Variants in CTNND2 observed in about 807,000 individuals in gnomAD.
The protein encoded by CTNND2 is catenin delta-2.
CTNND2 carries 22 observed loss-of-function variants against 144.4 expected under a neutral mutation model. That is an observed-to-expected ratio of 0.15 (90% CI 0.11 to 0.22). The LOEUF is 0.22. CTNND2 is among the 10% of genes least tolerant of loss of function. The pLI is 1.00. For synonymous variants in CTNND2, 751 were observed against 695.6 expected, an observed-to-expected ratio of 1.08 and a Z score of -1.25; for missense variants, 1,353 against 1,618.8, an observed-to-expected ratio of 0.84 and a Z score of 2.82.
At chr5:11,597,661 C>A (rs900055515) in intron 2 of CTNND2, among the ~76,000 whole-genome samples, 1 of 151,960 alleles carries the variant, frequency 6.6e-6, no homozygotes, top group Non-Finnish European at 1.5e-5. Flanking sequence ...GCAGCCTTAA[C>A]CTCTCAGACT....
chr5:11,384,596 C>T lies in CTNND2; in HGVS notation c.1177+69G>A. The T allele has an allele frequency of 1.4e-6, 2 of 1,459,356 alleles. No individual in the cohort carries two copies. The highest frequency in any genetic ancestry group is 1.8e-6 in the Non-Finnish European group (2 of 1,089,334). The allele number at this position is 1,459,356 out of a possible 1,614,324, so 90.4% of individuals were successfully genotyped here. ...GCGCCCGGCTTCGCTTCTGCTCAAG[C>T]CGGGCTGCTGCTTCCGCGTCCCCGC... On this transcript the variant is annotated intron_variant, in intron 7 of 21. Coordinates refer to ENST00000304623, the MANE Select transcript of CTNND2 (RefSeq NM_001332.4). This position sits in a 1 kb window ranked among gnomAD's most constrained non-coding sequence, Gnocchi z 5.2.
At chr5:11,159,865 T>C in intron 11 of CTNND2, 106 bp from the exon 12 acceptor site, 3 of 859,826 alleles carry the variant, frequency 3.5e-6, no homozygotes, top group Non-Finnish European at 5.4e-6. Context: ...AGGATGAAAA[T>C]ACTGTGGACA....
chr5:11,064,311 T>C (rs993099701), intron 16 of CTNND2, among the ~76,000 whole-genome samples: 2 of 152,068 alleles, frequency 1.3e-5, no homozygotes, highest in African/African-American at 4.8e-5. Context: ...GCCTTGGAAT[T>C]TAGAAAGAAA....
chr5:11,813,541 T>A (rs1030447347), intron 1 of CTNND2, among the ~76,000 whole-genome samples: 7 of 152,250 alleles, frequency 4.6e-5, no homozygotes, highest in South Asian at 2.1e-4. Context: ...TTGTACAAGC[T>A]GAAATGCATA....
chr5:11,251,368 A>G (rs1255240662), intron 9 of CTNND2, among the ~76,000 whole-genome samples: 2 of 152,198 alleles, frequency 1.3e-5, no homozygotes, highest in Admixed American at 6.5e-5. Context: ...GAAGCAGACA[A>G]TGCCATCTTC....
At chr5:11,358,150 G>C (rs545302544) in intron 8 of CTNND2, among the ~76,000 whole-genome samples, 25 of 152,232 alleles carry the variant, frequency 1.6e-4, no homozygotes, top group African/African-American at 5.5e-4. Flanking sequence ...TCCAGGTCAA[G>C]GCCAGCTGTG....
intron 1 of CTNND2, among the ~76,000 whole-genome samples, chr5:11,893,220 C>G (rs908717824): frequency 6.6e-6 from 1 of 152,084 alleles, no homozygotes; most frequent in African/African-American, 2.4e-5. Context: ...AGAATCGGCA[C>G]ATGGAGAAAG....
intron 2 of CTNND2, among the ~76,000 whole-genome samples, chr5:11,701,311 C>T (rs1044394257): frequency 4.6e-5 from 7 of 152,188 alleles, no homozygotes; most frequent in African/African-American, 1.7e-4. Flanking sequence ...CATCGGATGT[C>T]ACAGATAATG....
intron 2 of CTNND2, among the ~76,000 whole-genome samples, chr5:11,729,730 T>C (rs1486203381): frequency 1.3e-5 from 2 of 152,200 alleles, no homozygotes; most frequent in African/African-American, 4.8e-5. Context: ...TATTGAACAT[T>C]TTAAATGTCA....
At chr5:11,599,099 T>C (rs1779658645) in intron 2 of CTNND2, among the ~76,000 whole-genome samples, 1 of 152,144 alleles carries the variant, frequency 6.6e-6, no homozygotes, top group Admixed American at 6.5e-5. Context: ...ACCAGGGAGA[T>C]GGTGCTAAGG....
At chr5:11,012,769 C>A (rs1741223494) in intron 18 of CTNND2, among the ~76,000 whole-genome samples, 1 of 152,202 alleles carries the variant, frequency 6.6e-6, no homozygotes, top group Admixed American at 6.5e-5. Flanking sequence ...AATGTGATCT[C>A]CAGTTTTATG....
At chr5:11,082,612 A>G in intron 16 of CTNND2, 84 bp downstream of exon 16, 1 of 1,487,534 alleles carries the variant, frequency 6.7e-7, no homozygotes. Context: ...AGCATAGGCT[A>G]TGCATACGGG....
At chr5:11,247,065 C>T (rs1008417511) in intron 9 of CTNND2, among the ~76,000 whole-genome samples, 5 of 152,122 alleles carry the variant, frequency 3.3e-5, no homozygotes, top group Non-Finnish European at 5.9e-5. Flanking sequence ...TGGATGTGTG[C>T]ATCTATTGAC....
intron 3 of CTNND2, among the ~76,000 whole-genome samples, chr5:11,458,677 G>T (rs570627657): frequency 1.3e-5 from 2 of 152,222 alleles, no homozygotes; most frequent in Non-Finnish European, 2.9e-5. Flanking sequence ...TGGTCCTTCA[G>T]TTCTACTTCC....
At chr5:11,868,294 T>C (rs1795871283) in intron 1 of CTNND2, among the ~76,000 whole-genome samples, 1 of 152,110 alleles carries the variant, frequency 6.6e-6, no homozygotes, top group Non-Finnish European at 1.5e-5. Flanking sequence ...GGGGTGTGAA[T>C]TCCACCATAG....
chr5:11,802,382 A>G (rs1561810037), intron 1 of CTNND2, among the ~76,000 whole-genome samples: 1 of 152,076 alleles, frequency 6.6e-6, no homozygotes, highest in Non-Finnish European at 1.5e-5. Flanking sequence ...AGCCTGACCA[A>G]CAGGGAGAAA....
chr5:11,076,035 G>A (rs1160073782), intron 16 of CTNND2, among the ~76,000 whole-genome samples: 1 of 152,224 alleles, frequency 6.6e-6, no homozygotes, highest in Non-Finnish European at 1.5e-5. Context: ...ATAGCAAAGT[G>A]CTAGACACTG....
At position 11,180,485 on chromosome 5, in the gene CTNND2, G is replaced by A. The variant is rs146854622; in HGVS notation, c.1975+18963C>T. Among the ~76,000 whole-genome samples, 726 of 152,212 alleles carry A rather than the reference G, an allele frequency of 4.8e-3. 7 individuals carry two copies. Among genetic ancestry groups the A allele is most frequent in the African/African-American group, 0.016 (684 of 41,522 alleles). On this transcript the variant is annotated intron_variant, in intron 11 of 21. Transcript: ENST00000304623. The stretch of plus-strand genomic sequence containing the variant: ...CATTTAAAGAAAGAAACATAATAGC[G>A]ATTGGTTGAGAACTCACTTTTAAGT...
chr5:11,452,911 A>C (rs770020159), intron 3 of CTNND2, among the ~76,000 whole-genome samples: 14 of 152,304 alleles, frequency 9.2e-5, no homozygotes, highest in Middle Eastern at 3.4e-3. Context: ...GGGTGAAGAA[A>C]AACTTTCTCC....
Sources: gnomAD v4.1 joint callset for allele counts (sites outside exome capture counted in the v4.1 genomes callset) on GRCh38, gnomAD v4.1.1 for gene constraint, Gnocchi (gnomAD v3.1) non-coding constraint, MANE v1.5 for transcripts, NCBI Gene and HGNC (gene_info 2026-07-23, HGNC 2026-07-21) for gene names.